EGFL6: variants seen among roughly 807,000 people sequenced by gnomAD.
EGFL6 encodes epidermal growth factor-like protein 6.
EGFL6 carries 42 observed loss-of-function variants against 43.1 expected under a neutral mutation model. The observed-to-expected ratio is 0.98, with a 90% CI of 0.76 to 1.26. The LOEUF (loss-of-function observed/expected upper bound fraction) is 1.26. Ranked by LOEUF, EGFL6 falls within the 50% of genes most tolerant of loss-of-function variation. The probability of loss-of-function intolerance (pLI) is 0.00; values close to 1 mark genes in which losing one functional copy is unlikely to be tolerated. For missense variants in EGFL6, 429 were observed against 427.8 expected, an observed-to-expected ratio of 1.00 and a Z score of -0.02; for synonymous variants, 164 against 163.2, an observed-to-expected ratio of 1.01 and a Z score of -0.04.
Position 13,569,905 on chromosome X carries a change from G to C in EGFL6, c.44G>C (p.Trp15Ser). Reference protein sequence around the residue: ...WSLALPLLLSWVAGGFGNAAS... With the variant: ...WSLALPLLLSSVAGGFGNAAS... ...CTTGCGCTCCCGCTGCTGCTCTCCTGGGTGGCAGGTGGTTTCGGGAACGCG... is the reference window on the plus strand; with the variant it reads ...CTTGCGCTCCCGCTGCTGCTCTCCTCGGTGGCAGGTGGTTTCGGGAACGCG... Residue 15 changes from tryptophan to serine, a missense_variant, in exon 1 of 12, where the codon TGG (tryptophan) becomes TCG (serine). Physicochemically the swap from Trp to Ser is radical, Grantham distance 177 (BLOSUM62 -3). Transcript: ENST00000361306. 1 of 1,212,178 alleles carries C rather than the reference G, an allele frequency of 8.2e-7. No homozygotes were observed. Among genetic ancestry groups the C allele is most frequent in the Non-Finnish European group, 1.1e-6 (1 of 895,485 alleles).
In EGFL6 at chrX:13,626,752, T is replaced by TCTTTGTGTATG. The variant is rs754096188; in HGVS notation, c.1286-246_1286-236dup. ...CATTTAATTAGATTCTTACCCCATA[T>TCTTTGTGTATG]CTTTGTGTATGCTTTGTGTATGCAA... is the stretch of plus-strand genomic sequence containing the variant. On this transcript the variant is annotated intron_variant, in intron 10 of 11. Transcript: ENST00000361306. 4.4e-5 allele frequency among the ~76,000 whole-genome samples: 5 copies of TCTTTGTGTATG among 112,468 alleles called. No individual in the cohort carries two copies. In the South Asian group the frequency reaches 1.8e-3, roughly 41 times the overall value.
Position 13,617,782 on chromosome X carries a change from A to G in EGFL6, c.831A>G (p.Lys277=). The G allele has an allele frequency of 8.3e-7, 1 of 1,211,894 alleles. No individual in the cohort carries two copies. The highest frequency in any genetic ancestry group is 1.1e-6 in the Non-Finnish European group (1 of 895,491). The change falls in exon 8 of 12, where the codon AAA becomes AAG. Residue 277 remains lysine (K), a synonymous_variant. Coordinates refer to ENST00000361306, the MANE Select transcript of EGFL6 (RefSeq NM_015507.4). The stretch of plus-strand genomic sequence containing the variant: ...TCCTCAGAGCACCTGGTACCATCAA[A>G]GACAGAATCAAGAAGTTGCTTGCTC... ...KEVLRAPGTI[K]DRIKKLLAHK... is the part of the protein sequence containing the mutation.
rs1411623079 is a variant in EGFL6 at position 13,606,412 on chromosome X, G to A, written c.554G>A (p.Cys185Tyr). The stretch of plus-strand genomic sequence containing the variant: ...GAATGTGCCTCTGGTAAAGTCATCT[G>A]TCCCTACAATCGAAGATGTGTGAAC... ...IDECASGKVI[C>Y]PYNRRCVNTF... Residue 185 changes from cysteine to tyrosine, a missense_variant, in exon 6 of 12, where the codon TGT (cysteine) becomes TAT (tyrosine). Coordinates refer to ENST00000361306, the MANE Select transcript of EGFL6 (RefSeq NM_015507.4). 2 of 1,209,597 alleles carry A rather than the reference G, an allele frequency of 1.7e-6. No homozygotes were observed. Among genetic ancestry groups the A allele is most frequent in the East Asian group, 3.0e-5 (1 of 33,763 alleles).
chrX:13,608,681 G>C (rs1036303689), intron 7 of EGFL6, among the ~76,000 whole-genome samples: 3 of 112,208 alleles, frequency 2.7e-5, no homozygotes, highest in Admixed American at 9.5e-5. Flanking sequence ...TTAAAGAACA[G>C]CAAGGGTACT....
intron 5 of EGFL6, among the ~76,000 whole-genome samples, chrX:13,606,008 A>G (rs1046364688): frequency 8.9e-6 from 1 of 111,983 alleles, no homozygotes; most frequent in African/African-American, 3.3e-5. Context: ...TGTATATGTT[A>G]TACAATATAC....
intron 2 of EGFL6, among the ~76,000 whole-genome samples, chrX:13,593,112 A>G (rs765235285): frequency 9.1e-6 from 1 of 109,495 alleles, no homozygotes; most frequent in South Asian, 4.0e-4. Context: ...ATGTGGTTTT[A>G]CTATGTTGGC....
At chrX:13,606,627 G>A in intron 6 of EGFL6, 114 bp downstream of exon 6, 1 of 829,127 alleles carries the variant, frequency 1.2e-6, no homozygotes, top group Non-Finnish European at 1.7e-6. Context: ...CTACTGTGCT[G>A]ACCAGCTTAA....
chrX:13,582,185 C>T (rs958525411), intron 1 of EGFL6, among the ~76,000 whole-genome samples: 4 of 109,531 alleles, frequency 3.7e-5, no homozygotes, highest in Non-Finnish European at 5.7e-5. Context: ...GCCTCAGCCT[C>T]CTGAGTAGCT....
intron 1 of EGFL6, among the ~76,000 whole-genome samples, chrX:13,584,287 C>T (rs1443325201): frequency 9.0e-6 from 1 of 111,560 alleles, no homozygotes; most frequent in Admixed American, 9.5e-5. Flanking sequence ...TAGAAAAACT[C>T]TCCTCATTTG....
At chrX:13,600,600 T>A (rs1022583419) in intron 4 of EGFL6, among the ~76,000 whole-genome samples, 4 of 107,560 alleles carry the variant, frequency 3.7e-5, no homozygotes, top group African/African-American at 1.4e-4. Context: ...ATAATTTTTT[T>A]AAAAAAGTAA....
chrX:13,610,650 G>A (rs1361032563), intron 7 of EGFL6, among the ~76,000 whole-genome samples: 1 of 111,816 alleles, frequency 8.9e-6, no homozygotes, highest in Non-Finnish European at 1.9e-5. Flanking sequence ...CATATCGGAT[G>A]AGTGCCCAAG....
intron 10 of EGFL6, chrX:13,625,297 G>A (rs1389138743): frequency 9.0e-6 from 1 of 111,398 alleles, no homozygotes; most frequent in African/African-American, 3.3e-5. Flanking sequence ...AAATAAACAT[G>A]GCCAAGGCGG....
chrX:13,570,513 G>T (rs1339542888), intron 1 of EGFL6, among the ~76,000 whole-genome samples: 1 of 111,933 alleles, frequency 8.9e-6, no homozygotes, highest in East Asian at 2.8e-4. Flanking sequence ...GTTGTCAGAT[G>T]ACAACCATTC....
At chrX:13,595,578 T>A (rs1300482742) in intron 3 of EGFL6, among the ~76,000 whole-genome samples, 2 of 112,330 alleles carry the variant, frequency 1.8e-5, no homozygotes, top group Non-Finnish European at 3.8e-5. Flanking sequence ...TTGTCTCCAA[T>A]TTTTTGCCAT....
intron 11 of EGFL6, among the ~76,000 whole-genome samples, chrX:13,630,450 T>C (rs1276309802): frequency 9.0e-6 from 1 of 111,420 alleles, no homozygotes; most frequent in Non-Finnish European, 1.9e-5. Flanking sequence ...ACCCTCATTA[T>C]CCCACCCATT....
intron 11 of EGFL6, among the ~76,000 whole-genome samples, chrX:13,632,297 G>GTTTTT (rs1158372735): frequency 4.9e-5 from 4 of 81,177 alleles, no homozygotes; most frequent in Admixed American, 1.3e-4. Flanking sequence ...TTGTTTTTTG[G>GTTTTT]TTTTTTTTTT....
At chrX:13,590,712 T>C (rs1472481698) in intron 2 of EGFL6, among the ~76,000 whole-genome samples, 1 of 112,180 alleles carries the variant, frequency 8.9e-6, no homozygotes, top group African/African-American at 3.2e-5. Flanking sequence ...ATAGAAAACA[T>C]TGATATCGTT....
Position 13,606,480 on chromosome X carries a change from C to A in EGFL6, c.622C>A (p.Leu208Met). ...YYCKCHIGFE[L>M]QYISGRYDCI... ...CTGCAAATGTCACATTGGTTTCGAA[C>A]TGCAATATATCAGTGGACGATATGA... The change falls in exon 6 of 12, where the codon CTG becomes ATG. Residue 208 changes from leucine to methionine, a missense_variant. Leu to Met is a conservative substitution (Grantham distance 15). Transcript: ENST00000361306. 1 of 1,211,349 alleles carries A rather than the reference C, an allele frequency of 8.3e-7. No homozygotes were observed. The highest frequency in any genetic ancestry group is 1.1e-6 in the Non-Finnish European group (1 of 895,122).
At chrX:13,594,419 C>T (rs1044164939) in intron 2 of EGFL6, among the ~76,000 whole-genome samples, 1 of 111,600 alleles carries the variant, frequency 9.0e-6, no homozygotes, top group African/African-American at 3.3e-5. Flanking sequence ...CTTCCTCCCT[C>T]CAATCTGTTG....
Sources: gnomAD v4.1 joint callset for allele counts (sites outside exome capture counted in the v4.1 genomes callset) on GRCh38, gnomAD v4.1.1 for gene constraint, MANE v1.5 for transcripts, NCBI Gene and HGNC (gene_info 2026-07-23, HGNC 2026-07-21) for gene names.